PANK1: variants seen among roughly 807,000 people sequenced by gnomAD.
The protein encoded by PANK1 is pantothenate kinase 1.
Under a neutral mutation model 40.1 loss-of-function variants are expected in PANK1, and 18 were observed. The ratio of observed to expected loss-of-function variants is 0.45; its 90% CI spans 0.31 to 0.67. The LOEUF is 0.67. Among genes scored for constraint, PANK1 ranks in the 30% least tolerant of loss-of-function variants. The pLI is 0.06. For missense variants in PANK1, 457 were observed against 599.6 expected (o/e 0.76, Z 2.48); for synonymous variants, 242 against 237.7 (o/e 1.02, Z -0.17).
At chr10:89,640,575 C>T (rs1413141613) in intron 1 of PANK1, among the ~76,000 whole-genome samples, 1 of 152,012 alleles carries the variant, frequency 6.6e-6, no homozygotes, top group Non-Finnish European at 1.5e-5. Flanking sequence ...TCCCAAGGTC[C>T]CAAGATGAAT....
intron 1 of PANK1, among the ~76,000 whole-genome samples, chr10:89,644,180 C>G (rs993294644): frequency 6.6e-6 from 1 of 152,084 alleles, no homozygotes; most frequent in Admixed American, 6.5e-5. Context: ...CAGTAGGACG[C>G]GCTCAGAGAA....
intron 4 of PANK1, 133 bp downstream of exon 4, chr10:89,593,680 A>G (rs1159486112): frequency 1.4e-6 from 1 of 713,158 alleles, no homozygotes; most frequent in Non-Finnish European, 2.5e-6. Context: ...CAGGAGATCA[A>G]GTCTGAGCTC....
intron 1 of PANK1, among the ~76,000 whole-genome samples, chr10:89,637,079 C>T (rs564902709): frequency 6.6e-6 from 1 of 151,680 alleles, no homozygotes; most frequent in East Asian, 2.0e-4. Flanking sequence ...AGGATGGTCT[C>T]GATCTCCTGA....
intron 1 of PANK1, chr10:89,613,865 C>A: frequency 2.4e-6 from 1 of 415,858 alleles, no homozygotes; most frequent in Non-Finnish European, 4.8e-6. Flanking sequence ...AAGCCCCAGA[C>A]TGGGATTCGG....
At chr10:89,593,702 G>T (rs1422584010) in intron 4 of PANK1, 111 bp downstream of exon 4, 6 of 771,566 alleles carry the variant, frequency 7.8e-6, no homozygotes, top group African/African-American at 6.8e-5. Context: ...GATACAACAG[G>T]TATCTGCACC....
intron 1 of PANK1, among the ~76,000 whole-genome samples, chr10:89,641,038 AGC>A (rs1841954763): frequency 6.6e-6 from 1 of 152,216 alleles, no homozygotes; most frequent in Non-Finnish European, 1.5e-5. Flanking sequence ...TACAATTCAT[AGC>A]TTAATTGACA....
intron 1 of PANK1, among the ~76,000 whole-genome samples, chr10:89,637,491 G>A (rs1395320589): frequency 2.0e-5 from 3 of 152,144 alleles, no homozygotes; most frequent in African/African-American, 7.2e-5. Flanking sequence ...AGTACTATAG[G>A]CAATTGTAAC....
chr10:89,637,444 C>G (rs1841854701), intron 1 of PANK1, among the ~76,000 whole-genome samples: 1 of 152,170 alleles, frequency 6.6e-6, no homozygotes, highest in South Asian at 2.1e-4. Context: ...CCCTATTGTT[C>G]CTAAGCTGTA....
chr10:89,611,135 C>A (rs1267960435), intron 2 of PANK1, among the ~76,000 whole-genome samples: 1 of 152,100 alleles, frequency 6.6e-6, no homozygotes, highest in Non-Finnish European at 1.5e-5. Context: ...AATTATACTC[C>A]CTAAATGGTA....
chr10:89,584,779 G>A (rs183532687), intron 6 of PANK1, among the ~76,000 whole-genome samples: 42 of 152,240 alleles, frequency 2.8e-4, no homozygotes, highest in Middle Eastern at 3.4e-3. Context: ...TTTCACATAT[G>A]AGAAATGGAA....
intron 3 of PANK1, among the ~76,000 whole-genome samples, chr10:89,598,877 C>T (rs1206800645): frequency 1.3e-5 from 2 of 152,216 alleles, no homozygotes; most frequent in Admixed American, 6.5e-5. Context: ...CCGAGCTAGG[C>T]ATCAATGAGG....
intron 6 of PANK1, among the ~76,000 whole-genome samples, 166 bp downstream of exon 6, chr10:89,588,486 C>T (rs560285791): frequency 1.2e-4 from 19 of 152,252 alleles, no homozygotes; most frequent in East Asian, 9.6e-4. Flanking sequence ...TGGATAAGAA[C>T]GCTTCCATTT....
intron 3 of PANK1, among the ~76,000 whole-genome samples, chr10:89,596,961 A>T (rs1844628925): frequency 6.6e-6 from 1 of 152,232 alleles, no homozygotes; most frequent in Non-Finnish European, 1.5e-5. Context: ...ACTAGGAAAA[A>T]AATGTTGCTA....
intron 1 of PANK1, among the ~76,000 whole-genome samples, chr10:89,613,397 G>A (rs970765519): frequency 1.3e-5 from 2 of 152,316 alleles, no homozygotes; most frequent in Admixed American, 1.3e-4. Flanking sequence ...CCTGCAGAAG[G>A]TCTTTTTTCT....
chr10:89,636,573 T>A (rs1841822046), intron 1 of PANK1, among the ~76,000 whole-genome samples: 1 of 152,076 alleles, frequency 6.6e-6, no homozygotes, highest in Non-Finnish European at 1.5e-5. Flanking sequence ...TGCCTCAGCC[T>A]CCCGAGTAGC....
chr10:89,634,668 T>C (rs1457994458), intron 1 of PANK1, among the ~76,000 whole-genome samples: 1 of 152,208 alleles, frequency 6.6e-6, no homozygotes, highest in Non-Finnish European at 1.5e-5. Flanking sequence ...TTCTCATCCT[T>C]CTCATCTCCT....
In PANK1 at chr10:89,644,979, T is replaced by C; in HGVS notation, c.-88A>G. On this transcript the variant is annotated 5_prime_UTR_variant, in exon 1 of 7. Coordinates refer to ENST00000307534, the MANE Select transcript of PANK1 (RefSeq NM_148977.3). ...CCGGCGTCTTTATTTCCCCGGATCC[T>C]CCCTGCGGCTTCCGATTCAGCAGCC... 6.3e-7 allele frequency: 1 copy of C among 1,576,462 alleles called. No homozygotes were observed. The highest frequency in any genetic ancestry group is 8.6e-7 in the Non-Finnish European group (1 of 1,164,446).
intron 1 of PANK1, among the ~76,000 whole-genome samples, chr10:89,618,010 C>T (rs1037279851): frequency 1.3e-5 from 2 of 152,176 alleles, no homozygotes; most frequent in Admixed American, 1.3e-4. Flanking sequence ...CAGGCATATT[C>T]TCAGTGTTCA....
intron 1 of PANK1, among the ~76,000 whole-genome samples, chr10:89,629,614 A>G (rs1841573362): frequency 6.6e-6 from 1 of 152,208 alleles, no homozygotes; most frequent in Non-Finnish European, 1.5e-5. Flanking sequence ...TCATTTTACA[A>G]ATCACATCAC....
Sources: gnomAD v4.1 joint callset for allele counts (sites outside exome capture counted in the v4.1 genomes callset) on GRCh38, gnomAD v4.1.1 for gene constraint, MANE v1.5 for transcripts, NCBI Gene and HGNC (gene_info 2026-07-23, HGNC 2026-07-21) for gene names.